EFCAB8: variants seen among roughly 807,000 people sequenced by gnomAD.
The protein encoded by EFCAB8 is EF-hand calcium binding domain 8, also known as EF-hand calcium-binding domain-containing protein 8.
EFCAB8 carries 100 observed loss-of-function variants against 116.3 expected under a neutral mutation model. The observed-to-expected ratio is 0.86, with a 90% CI of 0.73 to 1.02. The LOEUF (loss-of-function observed/expected upper bound fraction) is 1.02, where lower values mean the gene tolerates loss of function less well. EFCAB8 is among the 50% of genes least tolerant of loss of function. The pLI, the probability that EFCAB8 is intolerant of heterozygous loss-of-function variation, is 0.00. For synonymous variants in EFCAB8, 558 were observed against 567.9 expected (o/e 0.98, Z 0.25); for missense variants, 1,320 against 1,416.9 (o/e 0.93, Z 1.10).
intron 9 of EFCAB8, among the ~76,000 whole-genome samples, chr20:32,895,575 C>CT (rs35301817): frequency 0.025 from 3,096 of 125,058 alleles, 132 homozygotes; most frequent in African/African-American, 0.085. Flanking sequence ...TTCTTTCTTT[C>CT]TTTTTTTTTT....
chr20:32,878,958 C>G, intron 5 of EFCAB8, 151 bp downstream of exon 5: 1 of 662,852 alleles, frequency 1.5e-6, no homozygotes, highest in Non-Finnish European at 2.6e-6. Context: ...TGGCTCATTT[C>G]AACCTCACAG....
chr20:32,935,192 CTTTTTTTT>C (rs753039647), intron 22 of EFCAB8, among the ~76,000 whole-genome samples: 175 of 34,046 alleles, frequency 5.1e-3, no homozygotes, highest in Non-Finnish European at 7.0e-3. Flanking sequence ...TTCTTTCTTT[CTTTTTTTT>C]TTTTTTTTTT....
At position 32,915,000 on chromosome 20, in the gene EFCAB8, A is replaced by T. The variant is rs377476336; in HGVS notation, c.1856+2136A>T. ...TGCAGCCTCAGCTCCTAGGCTCAAG[A>T]GATCCTCCCACCCCAGCCTCCAGAG... is the stretch of plus-strand genomic sequence containing the variant. On this transcript the variant is annotated intron_variant, in intron 17 of 26. Coordinates refer to ENST00000400522, the MANE Select transcript of EFCAB8 (RefSeq NM_001143967.2). Among the ~76,000 whole-genome samples, 16 of 152,082 alleles carry T rather than the reference A, an allele frequency of 1.1e-4. No homozygotes were observed. In the East Asian group the frequency reaches 3.1e-3, roughly 29 times the overall value.
chr20:32,880,856 G>GCT (rs1985295665), intron 5 of EFCAB8, among the ~76,000 whole-genome samples: 1 of 152,096 alleles, frequency 6.6e-6, no homozygotes, highest in African/African-American at 2.4e-5. Context: ...AGGGCATAGG[G>GCT]CAGGACTCTG....
chr20:32,867,757 C>G lies in EFCAB8; in HGVS notation c.208+10C>G. 1 of 1,549,468 alleles carries G rather than the reference C, an allele frequency of 6.5e-7. No individual in the cohort carries two copies. The highest frequency in any genetic ancestry group is 8.7e-7 in the Non-Finnish European group (1 of 1,146,052). On this transcript the variant is annotated intron_variant, in intron 3 of 26. Transcript: ENST00000400522. ...ATCAACTCGACTGGAGGTAAGGCCG[C>G]TCTGTAGGCTCGGTTTTTGTGTGAG...
At chr20:32,924,521 TC>T (rs1406083211) in intron 20 of EFCAB8, among the ~76,000 whole-genome samples, 1 of 152,252 alleles carries the variant, frequency 6.6e-6, no homozygotes, top group East Asian at 1.9e-4. Flanking sequence ...TTATTATTAT[TC>T]CCATTTTATG....
chr20:32,875,618 C>T (rs764424407), intron 3 of EFCAB8, among the ~76,000 whole-genome samples: 4 of 151,062 alleles, frequency 2.6e-5, no homozygotes, highest in Non-Finnish European at 4.4e-5. Context: ...GATTCTCCTG[C>T]CTCAGCCTCC....
intron 7 of EFCAB8, among the ~76,000 whole-genome samples, chr20:32,890,031 A>G (rs1446206192): frequency 6.7e-6 from 1 of 148,950 alleles, no homozygotes. Context: ...CCTCTCCTGC[A>G]TGCCGCGCTT....
chr20:32,917,178 C>T lies in EFCAB8; in HGVS notation c.1857-123C>T, dbSNP rs182394794. On this transcript the variant is annotated intron_variant, in intron 17 of 26. Transcript: ENST00000400522. ...ATGGGACATGGCTTCAGCCCAGCTC[C>T]GACACCTGAGAGTATCCTCCTCTGA... is the stretch of plus-strand genomic sequence containing the variant. 1,304 of 744,218 alleles carry T rather than the reference C, an allele frequency of 1.8e-3. 8 individuals are homozygous for T. The highest frequency in any genetic ancestry group is 1.6e-3 in the Admixed American group (59 of 37,094). 46.1% of individuals were successfully genotyped at this position (744,218 alleles called of 1,614,324 possible).
chr20:32,923,526 C>T (rs1340696712), intron 20 of EFCAB8, among the ~76,000 whole-genome samples: 1 of 152,082 alleles, frequency 6.6e-6, no homozygotes, highest in Non-Finnish European at 1.5e-5. Context: ...AAAAATGAAA[C>T]TTTATACGAG....
At chr20:32,941,267 A>G (rs1459087799) in intron 22 of EFCAB8, among the ~76,000 whole-genome samples, 1 of 149,198 alleles carries the variant, frequency 6.7e-6, no homozygotes, top group Non-Finnish European at 1.5e-5. Flanking sequence ...TTAAAAAAAA[A>G]AAAAGAAAAA....
chr20:32,961,503 G>A lies in EFCAB8; in HGVS notation c.3761G>A (p.Gly1254Glu). 5 of 1,440,072 alleles carry A rather than the reference G, an allele frequency of 3.5e-6. No homozygotes were observed. Among genetic ancestry groups the A allele is most frequent in the Non-Finnish European group, 3.7e-6 (4 of 1,093,158 alleles). The allele number at this position is 1,440,072 out of a possible 1,614,324, so 89.2% of individuals were successfully genotyped here. A position where few individuals can be genotyped will look rare whatever the true frequency, so the allele number is the denominator to read the frequency against. ...PSPVSKSTLQ[G>E]SVTPKHIVSS... ...CCGGTGTCCAAGTCCACCCTGCAGG[G>A]GTCAGTGACCCCCAAGCACATTGTC... The change falls in exon 27 of 27, where the codon GGG becomes GAG. Residue 1254 changes from glycine (G) to glutamate (E), a missense_variant. Transcript: ENST00000400522.
In EFCAB8 at chr20:32,943,820, A is replaced by C; in HGVS notation, c.2959+16A>C. Reference sequence around the variant, plus strand: ...GATGCCATTGGTATGGGTCCTGCTGAAGCTCAGCCATGCCCATGGCCCTTC... The same window carrying C: ...GATGCCATTGGTATGGGTCCTGCTGCAGCTCAGCCATGCCCATGGCCCTTC... On this transcript the variant is annotated intron_variant, in intron 23 of 26. Coordinates refer to ENST00000400522, the MANE Select transcript of EFCAB8 (RefSeq NM_001143967.2). The C allele has an allele frequency of 2.4e-6, 1 of 416,802 alleles. No homozygotes were observed. The highest frequency in any genetic ancestry group is 4.4e-6 in the Non-Finnish European group (1 of 226,390). The allele number at this position is 416,802 out of a possible 1,614,324, so 25.8% of individuals were successfully genotyped here. A position where few individuals can be genotyped will look rare whatever the true frequency, so the allele number is the denominator to read the frequency against.
intron 12 of EFCAB8, 83 bp from the exon 13 acceptor site, chr20:32,906,760 C>T (rs1600408625): frequency 9.1e-6 from 7 of 765,482 alleles, no homozygotes; most frequent in South Asian, 1.5e-5. Flanking sequence ...TGCTCTTGTC[C>T]CCACTTCTGG....
intron 6 of EFCAB8, among the ~76,000 whole-genome samples, chr20:32,888,055 A>G (rs1408658485): frequency 1.3e-5 from 2 of 148,454 alleles, no homozygotes; most frequent in Non-Finnish European, 3.0e-5. Flanking sequence ...CTCTCTACAT[A>G]TCCCCCTTTT....
intron 1 of EFCAB8, among the ~76,000 whole-genome samples, chr20:32,859,509 G>A (rs553809259): frequency 5.3e-5 from 8 of 152,096 alleles, no homozygotes; most frequent in East Asian, 1.9e-4. Context: ...CCCATTTGGC[G>A]TTTTACCTCT....
Position 32,885,590 on chromosome 20 carries a change from G to A in EFCAB8, c.517G>A (p.Gly173Arg), listed in dbSNP as rs1226320737. The A allele has an allele frequency of 4.5e-6, 7 of 1,551,668 alleles. No individual in the cohort carries two copies. Among genetic ancestry groups the A allele is most frequent in the African/African-American group, 2.7e-5 (2 of 73,038 alleles). The change falls in exon 6 of 27, where the codon GGG becomes AGG. Residue 173 changes from glycine (G) to arginine (R), a missense_variant. Gly to Arg is a moderately radical substitution (Grantham distance 125, BLOSUM62 -2). Coordinates refer to ENST00000400522, the MANE Select transcript of EFCAB8 (RefSeq NM_001143967.2). ...IGCFLTVTKDGILQFWSESFS... is the reference protein window; with the variant it reads ...IGCFLTVTKDRILQFWSESFS... Reference sequence around the variant, plus strand: ...GTGTTTCCTGACTGTCACCAAAGACGGGATCCTGCAGTTCTGGTCTGAGTC... The same window carrying A: ...GTGTTTCCTGACTGTCACCAAAGACAGGATCCTGCAGTTCTGGTCTGAGTC...
intron 1 of EFCAB8, 104 bp downstream of exon 1, chr20:32,859,110 C>T (rs968504775): frequency 2.2e-6 from 1 of 457,598 alleles, no homozygotes; most frequent in Non-Finnish European, 4.5e-6. Context: ...TTATCTGTGT[C>T]CTGGCTGGCT....
chr20:32,873,555 T>C (rs1201137453), intron 3 of EFCAB8, among the ~76,000 whole-genome samples: 4 of 151,870 alleles, frequency 2.6e-5, no homozygotes, highest in Non-Finnish European at 4.4e-5. Flanking sequence ...TATATTTTGA[T>C]AATTGCTTTT....
Sources: gnomAD v4.1 joint callset for allele counts (sites outside exome capture counted in the v4.1 genomes callset) on GRCh38, gnomAD v4.1.1 for gene constraint, MANE v1.5 for transcripts, NCBI Gene and HGNC (gene_info 2026-07-23, HGNC 2026-07-21) for gene names.